Variants in SLC13A3 observed in about 807,000 individuals in gnomAD.
SLC13A3 encodes solute carrier family 13 member 3.
SLC13A3 carries 40 observed loss-of-function variants against 59.0 expected under a neutral mutation model. That is an observed-to-expected ratio of 0.68 (90% CI 0.53 to 0.88). The LOEUF (loss-of-function observed/expected upper bound fraction) is 0.88. Ranked by LOEUF, SLC13A3 falls within the 40% of genes least tolerant of loss-of-function variation. The pLI, the probability that SLC13A3 is intolerant of heterozygous loss-of-function variation, is 0.00. For missense variants in SLC13A3, 699 were observed against 783.2 expected (o/e 0.89, Z 1.28); for synonymous variants, 317 against 330.3 (o/e 0.96, Z 0.44).
chr20:46,583,566 C>T lies in SLC13A3; in HGVS notation c.1219+6G>A, dbSNP rs765401193. 15 of 1,613,662 alleles carry T rather than the reference C, an allele frequency of 9.3e-6. No individual in the cohort carries two copies. The highest frequency in any genetic ancestry group is 1.2e-5 in the Non-Finnish European group (14 of 1,179,960). Reference sequence around the variant, plus strand: ...CCCACCGAGACCCCAGCCTTGACCACCTTACCTTTGAAGTCAAACCACCAC... The same window carrying T: ...CCCACCGAGACCCCAGCCTTGACCATCTTACCTTTGAAGTCAAACCACCAC... On this transcript the variant is annotated splice_donor_region_variant and intron_variant, in intron 9 of 12. Coordinates refer to ENST00000279027, the MANE Select transcript of SLC13A3 (RefSeq NM_022829.6).
At chr20:46,585,314 C>A in intron 8 of SLC13A3, 1 of 994,576 alleles carries the variant, frequency 1.0e-6, no homozygotes, top group Non-Finnish European at 1.2e-6. Context: ...GATCTCTGGG[C>A]AGTGGGACAT....
At chr20:46,612,046 A>T (rs563757549) in intron 2 of SLC13A3, among the ~76,000 whole-genome samples, 20 of 149,938 alleles carry the variant, frequency 1.3e-4, no homozygotes, top group African/African-American at 4.9e-4. Flanking sequence ...ACCCAAAAAA[A>T]AATCCCTGAC....
chr20:46,567,068 T>A (rs2061987493), intron 10 of SLC13A3, among the ~76,000 whole-genome samples: 1 of 152,000 alleles, frequency 6.6e-6, no homozygotes, highest in African/African-American at 2.4e-5. Context: ...CATGTGTGCC[T>A]GTAATCCTAG....
At chr20:46,600,400 AAGAAAGG>A (rs1192904987) in intron 3 of SLC13A3, among the ~76,000 whole-genome samples, 4 of 148,764 alleles carry the variant, frequency 2.7e-5, no homozygotes, top group Non-Finnish European at 4.5e-5. Context: ...GAAAGAAAGA[AAGAAAGG>A]AGGAAGGAAG....
chr20:46,679,488 C>T (rs573748185), intron 1 of SLC13A3, among the ~76,000 whole-genome samples: 109 of 152,274 alleles, frequency 7.2e-4, no homozygotes, highest in African/African-American at 2.5e-3. Context: ...GTGGCGGGCG[C>T]CTGTAGTCCC....
intron 1 of SLC13A3, among the ~76,000 whole-genome samples, chr20:46,660,959 A>G (rs920903105): frequency 6.6e-5 from 10 of 152,186 alleles, no homozygotes; most frequent in African/African-American, 1.4e-4. Flanking sequence ...TTTCATCTCT[A>G]TAATTTTCAC....
chr20:46,609,848 G>T (rs958467995), intron 3 of SLC13A3, among the ~76,000 whole-genome samples: 3 of 152,142 alleles, frequency 2.0e-5, no homozygotes, highest in Non-Finnish European at 4.4e-5. Flanking sequence ...CACTATGTGC[G>T]TTCCCTCCTG....
intron 1 of SLC13A3, among the ~76,000 whole-genome samples, chr20:46,666,519 T>C (rs2063063550): frequency 6.6e-6 from 1 of 151,106 alleles, no homozygotes. Flanking sequence ...TTGTTGTTGC[T>C]TTGAGACAGG....
chr20:46,634,270 T>A (rs1438837712), intron 1 of SLC13A3, among the ~76,000 whole-genome samples: 1 of 152,192 alleles, frequency 6.6e-6, no homozygotes, highest in Admixed American at 6.5e-5. Flanking sequence ...TGAGCAGAAC[T>A]GATTTTCGTG....
At position 46,613,501 on chromosome 20, in the gene SLC13A3, G is replaced by C; in HGVS notation, c.336C>G (p.Ile112Met). The C allele has an allele frequency of 6.2e-7, 1 of 1,610,134 alleles. No individual in the cohort carries two copies. The highest frequency in any genetic ancestry group is 8.5e-7 in the Non-Finnish European group (1 of 1,177,712). The change falls in exon 2 of 13, where the codon ATC (isoleucine) becomes ATG (methionine). Residue 112 changes from isoleucine to methionine, a missense_variant. By Grantham distance (10) the Ile-to-Met change is conservative. Coordinates refer to ENST00000279027, the MANE Select transcript of SLC13A3 (RefSeq NM_022829.6). ...CAACAAGCATCAGGATCTTGAGGGC[G>C]ATTCGCCGGTGCAGGTTCCACTCCT... ...AIEEWNLHRR[I>M]ALKILMLVGV... is the part of the protein sequence containing the mutation.
intron 1 of SLC13A3, among the ~76,000 whole-genome samples, chr20:46,637,275 G>C (rs1429368791): frequency 1.5e-5 from 2 of 131,446 alleles, no homozygotes; most frequent in Non-Finnish European, 3.3e-5. Flanking sequence ...AGCCCCTTTT[G>C]ACAATGCGCC....
intron 1 of SLC13A3, among the ~76,000 whole-genome samples, chr20:46,649,268 T>G (rs1428048252): frequency 6.6e-6 from 1 of 152,140 alleles, no homozygotes. Flanking sequence ...TTCCATTCAG[T>G]TGTGCATGTT....
chr20:46,575,587 C>T lies in SLC13A3; in HGVS notation c.1318G>A (p.Ala440Thr), dbSNP rs867512864. The change falls in exon 10 of 13, where the codon GCC becomes ACC. Residue 440 changes from alanine (A) to threonine (T), a missense_variant. Transcript: ENST00000279027. ...ILLLGGGFAM[A>T]KGCEESGLSV... ...GGGGGTCTTACCTCACAGCCTTTGGCCATGGCGAAGCCCCCTCCCAGGAGA... is the reference window on the plus strand; with the variant it reads ...GGGGGTCTTACCTCACAGCCTTTGGTCATGGCGAAGCCCCCTCCCAGGAGA... The T allele has an allele frequency of 1.3e-6, 2 of 1,599,282 alleles. No individual in the cohort carries two copies. Among genetic ancestry groups the T allele is most frequent in the Non-Finnish European group, 1.7e-6 (2 of 1,171,964 alleles).
intron 10 of SLC13A3, among the ~76,000 whole-genome samples, chr20:46,567,926 G>T (rs1425584879): frequency 1.3e-5 from 2 of 152,138 alleles, no homozygotes; most frequent in Non-Finnish European, 1.5e-5. Context: ...GTAGGTTTTG[G>T]AGCTGATCTA....
chr20:46,623,099 T>C (rs904801680), intron 1 of SLC13A3, among the ~76,000 whole-genome samples: 4 of 152,178 alleles, frequency 2.6e-5, no homozygotes, highest in African/African-American at 9.7e-5. Flanking sequence ...CACTTCCCAA[T>C]TCATTTTATG....
upstream of SLC13A3, among the ~76,000 whole-genome samples, chr20:46,655,958 CAT>C (rs2062985327): frequency 7.2e-6 from 1 of 139,104 alleles, no homozygotes. Flanking sequence ...ATACAGTATA[CAT>C]ATATGTATAT....
chr20:46,680,481 C>T (rs2063148914), intron 1 of SLC13A3, among the ~76,000 whole-genome samples: 1 of 152,194 alleles, frequency 6.6e-6, no homozygotes, highest in Non-Finnish European at 1.5e-5. Flanking sequence ...GCACCTATTG[C>T]CCCAGAGGCA....
upstream of SLC13A3, among the ~76,000 whole-genome samples, chr20:46,655,832 C>T (rs941370269): frequency 3.7e-5 from 5 of 134,948 alleles, no homozygotes; most frequent in Non-Finnish European, 7.8e-5. Flanking sequence ...ATATACTATA[C>T]AGTATATATT....
intron 8 of SLC13A3, chr20:46,585,331 G>A (rs781726721): frequency 1.0e-6 from 1 of 999,954 alleles, no homozygotes. Flanking sequence ...ACATAAAGTG[G>A]ATAAAGAGCC....
Sources: allele counts gnomAD v4.1 joint callset (sites outside exome capture counted in the v4.1 genomes callset), GRCh38; gene constraint gnomAD v4.1.1; transcripts MANE v1.5; gene names NCBI Gene and HGNC (gene_info 2026-07-23, HGNC 2026-07-21).